GRM3: variants seen among roughly 807,000 people sequenced by gnomAD.
The protein encoded by GRM3 is glutamate metabotropic receptor 3.
GRM3 carries 26 observed loss-of-function variants against 70.5 expected under a neutral mutation model. That is an observed-to-expected ratio of 0.37 (90% CI 0.27 to 0.51). The LOEUF is 0.51. GRM3 is among the 20% of genes least tolerant of loss of function. GRM3 has a pLI of 0.93. For synonymous variants in GRM3, 443 were observed against 434.9 expected (o/e 1.02, Z -0.23); for missense variants, 859 against 1,123.8 (o/e 0.76, Z 3.37).
chr7:86,824,031 A>G (rs1798182426), intron 3 of GRM3, among the ~76,000 whole-genome samples: 1 of 152,182 alleles, frequency 6.6e-6, no homozygotes, highest in Non-Finnish European at 1.5e-5. Context: ...TGTATAGCCT[A>G]GAGACTGGAA....
In GRM3 at chr7:86,838,997, A is replaced by C; in HGVS notation, c.1483A>C (p.Asn495His). Residue 495 changes from asparagine to histidine, a missense_variant, in exon 4 of 6, where the codon AAC becomes CAC. Asn to His is a moderately conservative substitution (Grantham distance 68). Coordinates refer to ENST00000361669, the MANE Select transcript of GRM3 (RefSeq NM_000840.3). ...HWAETLSLDV[N>H]SIHWSRNSVP... is the part of the protein sequence containing the mutation. ...GGCAGAAACCTTATCGCTAGATGTC[A>C]ACTCTATCCACTGGTCCCGGAACTC... is the stretch of plus-strand genomic sequence containing the variant. The C allele has an allele frequency of 6.2e-7, 1 of 1,614,104 alleles. No homozygotes were observed. Among genetic ancestry groups the C allele is most frequent in the African/African-American group, 1.3e-5 (1 of 75,028 alleles).
chr7:86,748,869 T>C (rs1562847609), intron 1 of GRM3, among the ~76,000 whole-genome samples: 1 of 152,074 alleles, frequency 6.6e-6, no homozygotes, highest in Non-Finnish European at 1.5e-5. Context: ...GTCATTGTTC[T>C]TGACATTCCA....
At chr7:86,720,354 A>T (rs1246562543) in intron 1 of GRM3, among the ~76,000 whole-genome samples, 1 of 152,050 alleles carries the variant, frequency 6.6e-6, no homozygotes, top group African/African-American at 2.4e-5. Context: ...TACTTCAGGT[A>T]CCAGCAAGGC....
At chr7:86,672,912 C>T (rs1794208928) in intron 1 of GRM3, among the ~76,000 whole-genome samples, 1 of 152,208 alleles carries the variant, frequency 6.6e-6, no homozygotes. Context: ...CCAATACTCT[C>T]TGAAAGAGTA....
At chr7:86,672,679 C>T (rs779149170) in intron 1 of GRM3, among the ~76,000 whole-genome samples, 3 of 152,068 alleles carry the variant, frequency 2.0e-5, no homozygotes, top group Non-Finnish European at 4.4e-5. Flanking sequence ...ACACCTTTAC[C>T]CCCAGTGGTA....
At chr7:86,751,554 A>G (rs1796231250) in intron 1 of GRM3, among the ~76,000 whole-genome samples, 1 of 152,144 alleles carries the variant, frequency 6.6e-6, no homozygotes, top group Non-Finnish European at 1.5e-5. Context: ...CTTTTCAGAA[A>G]TCAAGCTGTG....
chr7:86,755,159 G>A (rs1796314870), intron 1 of GRM3, among the ~76,000 whole-genome samples: 1 of 151,850 alleles, frequency 6.6e-6, no homozygotes, highest in Non-Finnish European at 1.5e-5. Flanking sequence ...AGAAGCATAT[G>A]CATTGGTTCC....
At chr7:86,765,743 G>A (rs1332728766) in intron 2 of GRM3, 130 bp downstream of exon 2, 2 of 782,010 alleles carry the variant, frequency 2.6e-6, no homozygotes, top group African/African-American at 1.7e-5. Flanking sequence ...AATTTTTCTA[G>A]TTATAATTTG....
chr7:86,847,991 A>G (rs1798688020), intron 4 of GRM3, among the ~76,000 whole-genome samples: 1 of 152,150 alleles, frequency 6.6e-6, no homozygotes, highest in Non-Finnish European at 1.5e-5. Flanking sequence ...AGCAAGGGTA[A>G]TCATCCCCCA....
chr7:86,659,941 A>G (rs181465555), intron 1 of GRM3, among the ~76,000 whole-genome samples: 13 of 152,182 alleles, frequency 8.5e-5, no homozygotes, highest in Admixed American at 1.3e-4. Context: ...CCCAGAAACA[A>G]AAAGTCTCAG....
rs777460254 is a variant in GRM3 at position 86,786,484 on chromosome 7, A to C, written c.692A>C (p.Glu231Ala). 3 of 1,614,188 alleles carry C rather than the reference A, an allele frequency of 1.9e-6. No homozygotes were observed. Among genetic ancestry groups the C allele is most frequent in the Non-Finnish European group, 2.5e-6 (3 of 1,180,040 alleles). ...DYGETGIEAF[E>A]QEARLRNICI... ...GGGGAGACAGGGATCGAGGCCTTCG[A>C]GCAGGAAGCCCGCCTGCGCAACATC... Residue 231 changes from glutamate (E) to alanine (A), a missense_variant, in exon 3 of 6, where the codon GAG becomes GCG. Physicochemically the swap from Glu to Ala is moderately radical, Grantham distance 107. Transcript: ENST00000361669. The surrounding 1 kb of genome is among the most constrained non-coding windows in gnomAD (Gnocchi z 6.0).
At chr7:86,652,215 GCTCACC>G (rs1793623439) in intron 1 of GRM3, among the ~76,000 whole-genome samples, 1 of 107,582 alleles carries the variant, frequency 9.3e-6, no homozygotes, top group African/African-American at 3.9e-5. Flanking sequence ...GTGTTAGAGT[GCTCACC>G]CTCTACTTTT....
intron 3 of GRM3, among the ~76,000 whole-genome samples, chr7:86,806,908 G>T (rs1291787135): frequency 6.6e-6 from 1 of 150,934 alleles, no homozygotes; most frequent in Non-Finnish European, 1.5e-5. Flanking sequence ...AATCCATCTT[G>T]AATTAATTTT....
At chr7:86,697,836 A>C (rs991067002) in intron 1 of GRM3, among the ~76,000 whole-genome samples, 32 of 152,124 alleles carry the variant, frequency 2.1e-4, no homozygotes, top group Non-Finnish European at 3.1e-4. Context: ...ACCAGAACCC[A>C]TCTCTTGTGT....
intron 3 of GRM3, among the ~76,000 whole-genome samples, chr7:86,809,956 C>T (rs1797876292): frequency 6.6e-6 from 1 of 151,936 alleles, no homozygotes. Flanking sequence ...TTTCAACTAA[C>T]GATTAAGGAA....
intron 1 of GRM3, among the ~76,000 whole-genome samples, chr7:86,708,649 G>A (rs1795113932): frequency 6.6e-6 from 1 of 152,040 alleles, no homozygotes; most frequent in Non-Finnish European, 1.5e-5. Flanking sequence ...TTTCCTCTTG[G>A]TGCTATGCAA....
chr7:86,826,069 C>T (rs947855255), intron 3 of GRM3, among the ~76,000 whole-genome samples: 4 of 152,102 alleles, frequency 2.6e-5, no homozygotes, highest in Non-Finnish European at 5.9e-5. Flanking sequence ...CTTTTTGCCC[C>T]TTTTTAAGAC....
At chr7:86,744,359 GATGTCATATT>G (rs1396746309) in intron 1 of GRM3, among the ~76,000 whole-genome samples, 1 of 151,798 alleles carries the variant, frequency 6.6e-6, no homozygotes, top group Non-Finnish European at 1.5e-5. Context: ...ATTTGGGAAA[GATGTCATATT>G]ACTATCTTTC....
At chr7:86,821,725 A>G (rs1181922042) in intron 3 of GRM3, among the ~76,000 whole-genome samples, 1 of 152,150 alleles carries the variant, frequency 6.6e-6, no homozygotes, top group Non-Finnish European at 1.5e-5. Context: ...GAGGTGTACA[A>G]CAAAGGTCCT....
Sources: allele counts gnomAD v4.1 joint callset (sites outside exome capture counted in the v4.1 genomes callset), GRCh38; gene constraint gnomAD v4.1.1; non-coding constraint Gnocchi (gnomAD v3.1); transcripts MANE v1.5; gene names NCBI Gene and HGNC (gene_info 2026-07-23, HGNC 2026-07-21).